AKNA: variants seen among roughly 807,000 people sequenced by gnomAD.
The protein encoded by AKNA is microtubule organization protein AKNA.
In AKNA, 67 loss-of-function variants were observed where a neutral mutation model predicts 138.8. The ratio of observed to expected loss-of-function variants is 0.48; its 90% confidence interval spans 0.40 to 0.59. The LOEUF (loss-of-function observed/expected upper bound fraction) is 0.59, where lower values mean the gene tolerates loss of function less well. AKNA is among the 20% of genes least tolerant of loss of function. The pLI is 0.00. For synonymous variants in AKNA, 737 were observed against 754.4 expected (o/e 0.98, Z 0.38); for missense variants, 1,813 against 1,880.4 (o/e 0.96, Z 0.66).
intron 14 of AKNA, among the ~76,000 whole-genome samples, chr9:114,353,627 T>C (rs1214494239): frequency 1.3e-5 from 2 of 152,232 alleles, no homozygotes; most frequent in Non-Finnish European, 2.9e-5. Context: ...CAGAAACACA[T>C]TGTTATTCTG....
intron 13 of AKNA, 149 bp from the exon 14 acceptor site, chr9:114,356,285 A>G (rs1324105737): frequency 4.2e-6 from 3 of 712,138 alleles, no homozygotes; most frequent in Non-Finnish European, 6.9e-6. Context: ...CCAAGGACAC[A>G]CACACATTAG....
chr9:114,360,038 T>C lies in AKNA; in HGVS notation c.2149A>G (p.Ser717Gly), dbSNP rs757776549. 1.9e-6 allele frequency: 3 copies of C among 1,614,180 alleles called. No homozygotes were observed. The highest frequency in any genetic ancestry group is 2.5e-6 in the Non-Finnish European group (3 of 1,180,026). The stretch of plus-strand genomic sequence containing the variant: ...ACGTGCAATGGGCAGGGGCCAGTGC[T>C]GGCGGCGGCAGTGGTGGTAGCAGGC... ...PEPATTTAAA[S>G]TGPCPLHVNV... The change falls in exon 10 of 22, where the codon AGC becomes GGC. Residue 717 changes from serine to glycine, a missense_variant. Ser to Gly is a moderately conservative substitution (Grantham distance 56). Coordinates refer to ENST00000374088, the MANE Select transcript of AKNA (RefSeq NM_001317950.2).
chr9:114,367,817 C>A (rs765696548), intron 5 of AKNA, 120 bp from the exon 6 acceptor site: 95 of 1,132,480 alleles, frequency 8.4e-5, no homozygotes, highest in Non-Finnish European at 1.1e-4. Flanking sequence ...TCACCATGTG[C>A]GATCTTCACA....
intron 16 of AKNA, 119 bp downstream of exon 16, chr9:114,347,604 TG>T (rs1830775943): frequency 9.8e-7 from 1 of 1,019,954 alleles, no homozygotes; most frequent in Non-Finnish European, 1.4e-6. Flanking sequence ...AATGAATGAA[TG>T]AGTGAGAGAG....
At chr9:114,351,144 A>C in intron 14 of AKNA, 123 bp from the exon 15 acceptor site, 1 of 1,029,434 alleles carries the variant, frequency 9.7e-7, no homozygotes, top group African/African-American at 1.6e-5. Context: ...TCACAAAGGA[A>C]GTTCCTGATG....
At position 114,337,012 on chromosome 9, in the gene AKNA, T is replaced by TGGGGGGGGGGGGGGGCG; in HGVS notation, c.*41_*42insCGCCCCCCCCCCCCCCC. ...CCCACTCCTGGCCTGGCAGGCCACC[T>TGGGGGGGGGGGGGGGCG]GCCCACCCACCCACCCATCTGCCTC... On this transcript the variant is annotated 3_prime_UTR_variant, in exon 22 of 22. Coordinates refer to ENST00000374088, the MANE Select transcript of AKNA (RefSeq NM_001317950.2). 8.3e-7 allele frequency: 1 copy of TGGGGGGGGGGGGGGGCG among 1,208,224 alleles called. No homozygotes were observed. Among genetic ancestry groups the TGGGGGGGGGGGGGGGCG allele is most frequent in the Non-Finnish European group, 1.1e-6 (1 of 929,350 alleles). The allele number at this position is 1,208,224 out of a possible 1,614,324, so 74.8% of individuals were successfully genotyped here. A position where few individuals can be genotyped will look rare whatever the true frequency, so the allele number is the denominator to read the frequency against.
chr9:114,376,386 G>A (rs1443873427), intron 3 of AKNA, 80 bp downstream of exon 3: 1 of 1,333,982 alleles, frequency 7.5e-7, no homozygotes, highest in South Asian at 1.2e-5. Context: ...CTCTACTCCA[G>A]GCCTCCCCAC....
chr9:114,376,865 G>A lies in AKNA; in HGVS notation c.942C>T (p.Ser314=), dbSNP rs761096810. The part of the protein sequence containing the change: ...PKPLPSRFIG[S]ISPLNPQPRP... ...TGGGCTGGGGATTCAGGGGGCTGAT[G>A]GAGCCAATGAATCGGGAAGGGAGTG... is the stretch of plus-strand genomic sequence containing the variant. Residue 314 remains serine (S), a synonymous_variant, in exon 3 of 22, where the codon TCC becomes TCT. Transcript: ENST00000374088. 4 of 1,614,020 alleles carry A rather than the reference G, an allele frequency of 2.5e-6. No homozygotes were observed. The highest frequency in any genetic ancestry group is 2.2e-5 in the South Asian group (2 of 91,080).
intron 8 of AKNA, 83 bp from the exon 9 acceptor site, chr9:114,361,994 A>G (rs1181608091): frequency 2.8e-6 from 4 of 1,411,030 alleles, no homozygotes; most frequent in Non-Finnish European, 3.9e-6. Flanking sequence ...CAGAGCAGAG[A>G]CTCCAGGGGA....
intron 19 of AKNA, 62 bp downstream of exon 19, chr9:114,343,646 C>T (rs556752187): frequency 1.9e-6 from 3 of 1,540,216 alleles, no homozygotes; most frequent in African/African-American, 2.7e-5. Context: ...TACACACTCC[C>T]CTGAGGGCAA....
At chr9:114,342,908 G>A (rs1185506475) in intron 19 of AKNA, among the ~76,000 whole-genome samples, 1 of 152,202 alleles carries the variant, frequency 6.6e-6, no homozygotes, top group Non-Finnish European at 1.5e-5. Flanking sequence ...GAACGGAGAG[G>A]CCTGTCAGGA....
At chr9:114,352,052 G>A (rs1831162149) in intron 14 of AKNA, among the ~76,000 whole-genome samples, 1 of 152,164 alleles carries the variant, frequency 6.6e-6, no homozygotes, top group African/African-American at 2.4e-5. Context: ...GAACAGATTA[G>A]TGCTTACCAG....
chr9:114,364,538 T>C (rs780255720), intron 7 of AKNA, 22 bp downstream of exon 7: 4 of 1,613,288 alleles, frequency 2.5e-6, no homozygotes, highest in Non-Finnish European at 3.4e-6. Flanking sequence ...GTTCCATGGG[T>C]GGCTCCTGAA....
At chr9:114,361,668 G>A (rs747887855) in intron 9 of AKNA, 36 bp downstream of exon 9, 6 of 1,606,046 alleles carry the variant, frequency 3.7e-6, no homozygotes, top group African/African-American at 1.3e-5. Flanking sequence ...ATGAATGCAC[G>A]AGGGAACAGC....
Position 114,360,032 on chromosome 9 carries a change from C to T in AKNA, c.2155G>A (p.Gly719Ser). The T allele has an allele frequency of 1.2e-6, 2 of 1,614,190 alleles. No individual in the cohort carries two copies. Among genetic ancestry groups the T allele is most frequent in the African/African-American group, 1.3e-5 (1 of 75,052 alleles). ...PATTTAAAST[G>S]PCPLHVNVEV... is the part of the protein sequence containing the mutation. The stretch of plus-strand genomic sequence containing the variant: ...ACATTTACGTGCAATGGGCAGGGGC[C>T]AGTGCTGGCGGCGGCAGTGGTGGTA... The change falls in exon 10 of 22, where the codon GGC becomes AGC. Residue 719 changes from glycine (G) to serine (S), a missense_variant. Transcript: ENST00000374088.
rs377367078 is a variant in AKNA at position 114,361,492 on chromosome 9, C to T, written c.2124+212G>A. Among the ~76,000 whole-genome samples, 50 of 152,252 alleles carry T rather than the reference C, an allele frequency of 3.3e-4. No homozygotes were observed. The East Asian group carries it at 7.5e-3, about 23-fold the overall frequency. ...CTACAGAAAACTCTGTGAAGGTAGACGCCACCTTCCCTGCCACCTCCCATC... is the reference window on the plus strand; with the variant it reads ...CTACAGAAAACTCTGTGAAGGTAGATGCCACCTTCCCTGCCACCTCCCATC... On this transcript the variant is annotated intron_variant, in intron 9 of 21. Transcript: ENST00000374088.
chr9:114,366,327 C>G (rs78890131), intron 6 of AKNA, among the ~76,000 whole-genome samples: 1,861 of 151,532 alleles, frequency 0.012, 28 homozygotes, highest in African/African-American at 0.043. Flanking sequence ...GTATGTGCTA[C>G]TCCAACAAGG....
In AKNA at chr9:114,362,907, G is replaced by T. The variant is rs76070160; in HGVS notation, c.1789-374C>A. On this transcript the variant is annotated intron_variant, in intron 7 of 21. Coordinates refer to ENST00000374088, the MANE Select transcript of AKNA (RefSeq NM_001317950.2). Reference sequence around the variant, plus strand: ...AGGACCCTTTACATGAGAGACTCTGGATCCTCATTCTTGATTTGCAAAACT... The same window carrying T: ...AGGACCCTTTACATGAGAGACTCTGTATCCTCATTCTTGATTTGCAAAACT... 3.9e-3 allele frequency among the ~76,000 whole-genome samples: 594 copies of T among 152,252 alleles called. 25 individuals are homozygous for T. The East Asian group carries it at 0.098, about 25-fold the overall frequency.
chr9:114,381,580 C>T (rs1410446384), intron 1 of AKNA, 134 bp from the exon 2 acceptor site: 7 of 850,344 alleles, frequency 8.2e-6, no homozygotes, highest in Non-Finnish European at 9.3e-6. Flanking sequence ...GAAGCTGTGT[C>T]ACCTTGGGCA....
Sources: allele counts gnomAD v4.1 joint callset (sites outside exome capture counted in the v4.1 genomes callset), GRCh38; gene constraint gnomAD v4.1.1; transcripts MANE v1.5; gene names NCBI Gene and HGNC (gene_info 2026-07-23, HGNC 2026-07-21).